The following OSBPL10 variants were observed in gnomAD, a reference collection of about 807,000 sequenced individuals.
OSBPL10 encodes oxysterol binding protein like 10.
OSBPL10 carries 49 observed loss-of-function variants against 81.7 expected under a neutral mutation model. The observed-to-expected ratio is 0.60, with a 90% CI of 0.48 to 0.76. The LOEUF (loss-of-function observed/expected upper bound fraction) is 0.76, where lower values mean the gene tolerates loss of function less well. OSBPL10 is among the 30% of genes least tolerant of loss of function. The pLI, the probability that OSBPL10 is intolerant of heterozygous loss-of-function variation, is 0.00. For synonymous variants in OSBPL10, 419 were observed against 383.6 expected (o/e 1.09, Z -1.08); for missense variants, 923 against 987.8 (o/e 0.93, Z 0.88).
chr3:31,975,037 AT>A (rs1698656100), intron 1 of OSBPL10, among the ~76,000 whole-genome samples: 1 of 152,210 alleles, frequency 6.6e-6, no homozygotes, highest in Non-Finnish European at 1.5e-5. Context: ...AAAGAAAACC[AT>A]TTTGGTGTGA....
chr3:31,733,813 A>G lies in OSBPL10; in HGVS notation c.941-402T>C, dbSNP rs140436385. On this transcript the variant is annotated intron_variant, in intron 5 of 11. Transcript: ENST00000396556. Reference sequence around the variant, plus strand: ...TAGATCATGAGGTCAGATCGAGACCATCCTGGCTAACACGGTGAAACTCCA... The same window carrying G: ...TAGATCATGAGGTCAGATCGAGACCGTCCTGGCTAACACGGTGAAACTCCA... Among the ~76,000 whole-genome samples the G allele has an allele frequency of 9.9e-4, 147 of 148,626 alleles. 3 individuals are homozygous for G. The East Asian group carries it at 0.027, about 27-fold the overall frequency.
At chr3:31,752,638 G>T (rs1697755201) in intron 4 of OSBPL10, among the ~76,000 whole-genome samples, 1 of 152,176 alleles carries the variant, frequency 6.6e-6, no homozygotes, top group Admixed American at 6.5e-5. Flanking sequence ...CAAAAAAGCT[G>T]AAACGAAGAT....
At chr3:31,931,106 T>C (rs1399142694) in intron 1 of OSBPL10, among the ~76,000 whole-genome samples, 2 of 148,300 alleles carry the variant, frequency 1.3e-5, no homozygotes, top group African/African-American at 2.5e-5. Flanking sequence ...TGGGAGCATA[T>C]AGAAGAAACC....
At chr3:31,892,498 A>G (rs1695921757) in intron 1 of OSBPL10, among the ~76,000 whole-genome samples, 1 of 152,186 alleles carries the variant, frequency 6.6e-6, no homozygotes, top group African/African-American at 2.4e-5. Flanking sequence ...TCTCAACGTG[A>G]CGACTGGGGA....
chr3:31,943,084 A>T (rs1451267144), intron 1 of OSBPL10, among the ~76,000 whole-genome samples: 1 of 152,204 alleles, frequency 6.6e-6, no homozygotes, highest in Non-Finnish European at 1.5e-5. Context: ...TTGATATTTC[A>T]TACAATGGGA....
At chr3:31,934,447 C>T (rs1250801904) in intron 1 of OSBPL10, among the ~76,000 whole-genome samples, 5 of 146,258 alleles carry the variant, frequency 3.4e-5, no homozygotes, top group African/African-American at 1.3e-4. Context: ...CTCGCTCTGG[C>T]GCCCAGGCTG....
At chr3:31,931,014 C>CAAAAAAAAAAAA (rs60251266) in intron 1 of OSBPL10, among the ~76,000 whole-genome samples, 2 of 62,064 alleles carry the variant, frequency 3.2e-5, no homozygotes, top group African/African-American at 6.9e-5. Context: ...GACTCGGTCT[C>CAAAAAAAAAAAA]AAAAAAAAAA....
At chr3:31,942,534 C>CCAAAAAA (rs1553642468) in intron 1 of OSBPL10, among the ~76,000 whole-genome samples, 1 of 79,760 alleles carries the variant, frequency 1.3e-5, no homozygotes, top group African/African-American at 4.9e-5. Context: ...GACTCCATCT[C>CCAAAAAA]AAAAAAAAAA....
chr3:31,975,161 ATAT>A (rs1350644926), intron 1 of OSBPL10, among the ~76,000 whole-genome samples: 1 of 152,182 alleles, frequency 6.6e-6, no homozygotes, highest in Admixed American at 6.5e-5. Context: ...TGAATAAACA[ATAT>A]TATACAGTGT....
At chr3:31,672,691 A>C (rs1226237676) in intron 8 of OSBPL10, among the ~76,000 whole-genome samples, 1 of 152,100 alleles carries the variant, frequency 6.6e-6, no homozygotes, top group Non-Finnish European at 1.5e-5. Context: ...GTTCTCAGTT[A>C]AGTCCATTAA....
Position 31,684,051 on chromosome 3 carries a change from C to T in OSBPL10, c.1309G>A (p.Ala437Thr). The T allele has an allele frequency of 6.2e-7, 1 of 1,614,208 alleles. No homozygotes were observed. The highest frequency in any genetic ancestry group is 1.1e-5 in the South Asian group (1 of 91,080). ...SLLEMYADFM[A>T]HPDLLLAITA... ...ATGGCCAGCAGTAGGTCTGGGTGCG[C>T]CATGAAATCTGCATACATCTCCAGC... The change falls in exon 8 of 12, where the codon GCG (alanine) becomes ACG (threonine). Residue 437 changes from alanine (A) to threonine (T), a missense_variant. By Grantham distance (58) the Ala-to-Thr change is moderately conservative. Coordinates refer to ENST00000396556, the MANE Select transcript of OSBPL10 (RefSeq NM_017784.5).
At chr3:31,860,944 C>CA (rs1406390041) in intron 3 of OSBPL10, among the ~76,000 whole-genome samples, 4 of 151,388 alleles carry the variant, frequency 2.6e-5, no homozygotes, top group Non-Finnish European at 4.4e-5. Context: ...ATCCTGACCT[C>CA]AAGTGATCCG....
chr3:31,684,038 A>G lies in OSBPL10; in HGVS notation c.1322T>C (p.Leu441Pro), dbSNP rs754914729. ...MYADFMAHPD[L>P]LLAITAGATP... The stretch of plus-strand genomic sequence containing the variant: ...GGCCCCAGCGGTGATGGCCAGCAGT[A>G]GGTCTGGGTGCGCCATGAAATCTGC... The change falls in exon 8 of 12, where the codon CTA becomes CCA. Residue 441 changes from leucine (L) to proline (P), a missense_variant. By Grantham distance (98) the Leu-to-Pro change is moderately conservative (BLOSUM62 -3). Coordinates refer to ENST00000396556, the MANE Select transcript of OSBPL10 (RefSeq NM_017784.5). 1 of 1,614,234 alleles carries G rather than the reference A, an allele frequency of 6.2e-7. No homozygotes were observed.
chr3:31,986,163 G>A (rs34706964), upstream of OSBPL10: 2 of 152,148 alleles, frequency 1.3e-5, no homozygotes, highest in African/African-American at 4.8e-5. Context: ...GAGAGAAGCA[G>A]TACAGGTGTT....
chr3:31,759,449 T>G (rs1697970859), intron 4 of OSBPL10, among the ~76,000 whole-genome samples: 1 of 152,070 alleles, frequency 6.6e-6, no homozygotes, highest in African/African-American at 2.4e-5. Context: ...AAAATCTCTT[T>G]TTAATACAAA....
intron 4 of OSBPL10, among the ~76,000 whole-genome samples, chr3:31,785,127 C>T (rs928264225): frequency 1.4e-4 from 22 of 152,262 alleles, no homozygotes; most frequent in African/African-American, 4.6e-4. Flanking sequence ...TCAAGTGATC[C>T]GCCTGCCTCG....
At chr3:31,868,410 A>C (rs1422217624) in intron 3 of OSBPL10, among the ~76,000 whole-genome samples, 1 of 152,106 alleles carries the variant, frequency 6.6e-6, no homozygotes, top group Non-Finnish European at 1.5e-5. Flanking sequence ...CCCGAGCTCC[A>C]TCGGGTTTTG....
intron 3 of OSBPL10, among the ~76,000 whole-genome samples, chr3:31,836,560 A>G (rs572606245): frequency 8.0e-6 from 1 of 125,232 alleles, no homozygotes; most frequent in South Asian, 3.1e-4. Context: ...CCCCCTGCCA[A>G]TAAATCCTGC....
intron 1 of OSBPL10, among the ~76,000 whole-genome samples, chr3:32,047,036 G>T (rs1359251884): frequency 6.6e-6 from 1 of 152,160 alleles, no homozygotes; most frequent in Non-Finnish European, 1.5e-5. Context: ...GGGTCTTATT[G>T]TCACCCAGGC....
Sources: allele counts gnomAD v4.1 joint callset (sites outside exome capture counted in the v4.1 genomes callset), GRCh38; gene constraint gnomAD v4.1.1; transcripts MANE v1.5; gene names NCBI Gene and HGNC (gene_info 2026-07-23, HGNC 2026-07-21).